Variants in LRFN2 observed in about 807,000 individuals in gnomAD.
LRFN2 encodes the protein leucine rich repeat and fibronectin type III domain containing 2, also known as leucine-rich repeat and fibronectin type-III domain-containing protein 2.
A neutral mutation model predicts 37.3 loss-of-function variants in LRFN2; 18 were observed. That is an observed-to-expected ratio of 0.48 (90% CI 0.33 to 0.72). The LOEUF (loss-of-function observed/expected upper bound fraction) is 0.72. Ranked by LOEUF, LRFN2 falls within the 30% of genes least tolerant of loss-of-function variation. The pLI, the probability that LRFN2 is intolerant of heterozygous loss-of-function variation, is 0.02. For missense variants in LRFN2, 1,006 were observed against 1,060.7 expected, an observed-to-expected ratio of 0.95 and a Z score of 0.72; for synonymous variants, 556 against 466.6, an observed-to-expected ratio of 1.19 and a Z score of -2.47.
chr6:40,494,535 G>C (rs1343877869), intron 1 of LRFN2, among the ~76,000 whole-genome samples: 1 of 151,938 alleles, frequency 6.6e-6, no homozygotes, highest in East Asian at 1.9e-4. Flanking sequence ...TAGGCACTTG[G>C]CTCCCTGTCT....
intron 1 of LRFN2, among the ~76,000 whole-genome samples, chr6:40,569,503 T>C (rs1324545572): frequency 6.6e-6 from 1 of 152,174 alleles, no homozygotes; most frequent in Non-Finnish European, 1.5e-5. Flanking sequence ...CAGGACCATA[T>C]GGGGTTTATA....
At chr6:40,583,566 G>C (rs1006372273) in intron 1 of LRFN2, among the ~76,000 whole-genome samples, 1 of 152,136 alleles carries the variant, frequency 6.6e-6, no homozygotes, top group African/African-American at 2.4e-5. Flanking sequence ...AAGAGAAAGG[G>C]TCACAAATAT....
At chr6:40,465,301 C>T (rs1027618457) in intron 1 of LRFN2, among the ~76,000 whole-genome samples, 7 of 152,216 alleles carry the variant, frequency 4.6e-5, no homozygotes, top group African/African-American at 1.7e-4. Flanking sequence ...TTCTGAACTA[C>T]AGAACCGTCG....
chr6:40,440,826 T>C (rs1322895880), intron 1 of LRFN2, among the ~76,000 whole-genome samples: 22 of 152,160 alleles, frequency 1.4e-4, no homozygotes, highest in Admixed American at 1.4e-3. Context: ...TGGGCCTCCT[T>C]CCTTTGCCCA....
At chr6:40,416,960 T>G (rs1395596374) in intron 2 of LRFN2, among the ~76,000 whole-genome samples, 1 of 152,220 alleles carries the variant, frequency 6.6e-6, no homozygotes, top group Non-Finnish European at 1.5e-5. Context: ...AGAATAGGGC[T>G]TGGGTCTAAA....
chr6:40,570,528 G>C (rs1015849552), intron 1 of LRFN2, among the ~76,000 whole-genome samples: 2 of 152,076 alleles, frequency 1.3e-5, no homozygotes, highest in African/African-American at 4.8e-5. Flanking sequence ...ACCCTGGGCC[G>C]CCCTGTCCCT....
intron 1 of LRFN2, among the ~76,000 whole-genome samples, chr6:40,508,557 A>G (rs1462624559): frequency 6.6e-6 from 1 of 152,094 alleles, no homozygotes; most frequent in Non-Finnish European, 1.5e-5. Flanking sequence ...CTTAGATTCA[A>G]ATTCTTGTTC....
intron 1 of LRFN2, among the ~76,000 whole-genome samples, chr6:40,520,297 C>T (rs1020000279): frequency 2.0e-5 from 3 of 151,898 alleles, no homozygotes; most frequent in Non-Finnish European, 2.9e-5. Context: ...GGCTGGGAGA[C>T]AGGACAGGCA....
intron 1 of LRFN2, among the ~76,000 whole-genome samples, chr6:40,532,066 C>T (rs1326848788): frequency 2.0e-5 from 3 of 152,248 alleles, no homozygotes; most frequent in Admixed American, 6.5e-5. Flanking sequence ...CCTTTCCAAT[C>T]TCATCTCCTG....
At chr6:40,404,104 G>A (rs1180712130) in intron 2 of LRFN2, among the ~76,000 whole-genome samples, 1 of 152,122 alleles carries the variant, frequency 6.6e-6, no homozygotes, top group East Asian at 1.9e-4. Context: ...GGCCATCCCA[G>A]ATCACGTTAT....
chr6:40,557,711 C>T (rs952594085), intron 1 of LRFN2, among the ~76,000 whole-genome samples: 4 of 152,142 alleles, frequency 2.6e-5, no homozygotes, highest in African/African-American at 9.7e-5. Flanking sequence ...CAGATCCTGG[C>T]CCTGCTATGG....
intron 1 of LRFN2, among the ~76,000 whole-genome samples, chr6:40,537,514 C>G (rs1766471753): frequency 6.6e-6 from 1 of 152,156 alleles, no homozygotes; most frequent in Non-Finnish European, 1.5e-5. Flanking sequence ...TGTGAGAGAG[C>G]TGAATCCAAG....
chr6:40,546,225 C>T (rs1254155724), intron 1 of LRFN2, among the ~76,000 whole-genome samples: 1 of 152,180 alleles, frequency 6.6e-6, no homozygotes, highest in African/African-American at 2.4e-5. Flanking sequence ...ACAGGAGGAA[C>T]AGCCCAGAGA....
chr6:40,544,089 A>G (rs548167726), intron 1 of LRFN2, among the ~76,000 whole-genome samples: 1 of 152,362 alleles, frequency 6.6e-6, no homozygotes, highest in Admixed American at 6.5e-5. Flanking sequence ...AGCCAGTCCT[A>G]TCCAAGCCTG....
intron 2 of LRFN2, among the ~76,000 whole-genome samples, chr6:40,419,895 C>T (rs571638375): frequency 3.9e-5 from 6 of 152,328 alleles, no homozygotes; most frequent in East Asian, 1.9e-4. Flanking sequence ...AATTCATTTA[C>T]GTTTTAACCT....
At chr6:40,408,955 G>A (rs1762904541) in intron 2 of LRFN2, among the ~76,000 whole-genome samples, 1 of 152,200 alleles carries the variant, frequency 6.6e-6, no homozygotes, top group African/African-American at 2.4e-5. Context: ...TCTGATAAGG[G>A]CCTTCTTTCT....
At chr6:40,457,177 T>G (rs1425757885) in intron 1 of LRFN2, among the ~76,000 whole-genome samples, 1 of 152,052 alleles carries the variant, frequency 6.6e-6, no homozygotes, top group African/African-American at 2.4e-5. Context: ...TGGATAACAA[T>G]GGCTTACATT....
intron 1 of LRFN2, among the ~76,000 whole-genome samples, chr6:40,443,379 A>G (rs894189951): frequency 4.6e-5 from 7 of 152,346 alleles, no homozygotes; most frequent in Middle Eastern, 3.4e-3. Flanking sequence ...AGGCTGCCCT[A>G]ACTCACATGC....
intron 1 of LRFN2, among the ~76,000 whole-genome samples, chr6:40,460,930 G>T (rs1178038257): frequency 1.3e-5 from 2 of 152,204 alleles, no homozygotes; most frequent in Non-Finnish European, 1.5e-5. Context: ...GGCCAGCTGA[G>T]TCTACGGAAC....
Sources: gnomAD v4.1 joint callset for allele counts (sites outside exome capture counted in the v4.1 genomes callset) on GRCh38, gnomAD v4.1.1 for gene constraint, MANE v1.5 for transcripts, NCBI Gene and HGNC (gene_info 2026-07-23, HGNC 2026-07-21) for gene names.